Variants in PCDHGA7 observed in about 807,000 individuals in gnomAD.
PCDHGA7 encodes protocadherin gamma subfamily A, 7, also known as protocadherin gamma-A7.
In PCDHGA7, 44 loss-of-function variants were observed where a neutral mutation model predicts 58.3. That is an observed-to-expected ratio of 0.75 (90% CI 0.59 to 0.97). The LOEUF is 0.97. Ranked by LOEUF, PCDHGA7 falls within the 50% of genes least tolerant of loss-of-function variation. The pLI is 0.00. For missense variants in PCDHGA7, 1,266 were observed against 1,188.7 expected (o/e 1.06, Z -0.96); for synonymous variants, 516 against 504.2 (o/e 1.02, Z -0.31).
In PCDHGA7 at chr5:141,490,028, G is replaced by A. The variant is rs752883792; in HGVS notation, c.2425-4779G>A. ...GCACCCATTGGTACTCTGCTGCTCC[G>A]CCTCAATGCCACTGATCCAGACGAG... On this transcript the variant is annotated intron_variant, in intron 1 of 3. Coordinates refer to ENST00000518325, the MANE Select transcript of PCDHGA7 (RefSeq NM_018920.4). The surrounding 1 kb of genome is among the most constrained non-coding windows in gnomAD (Gnocchi z 5.4). 20 of 1,614,070 alleles carry A rather than the reference G, an allele frequency of 1.2e-5. 1 individual carries two copies. Among genetic ancestry groups the A allele is most frequent in the South Asian group, 3.3e-5 (3 of 91,090 alleles).
In PCDHGA7 at chr5:141,485,216, G is replaced by C. The variant is rs757059807; in HGVS notation, c.2425-9591G>C. On this transcript the variant is annotated intron_variant, in intron 1 of 3. Transcript: ENST00000518325. The surrounding 1 kb of genome is among the most constrained non-coding windows in gnomAD (Gnocchi z 5.7). ...AAGCTGGACAGAAATCTGGCGGTGG[G>C]CTACCCTTTTGTTCCTCTTTTACCA... 2.5e-6 allele frequency: 4 copies of C among 1,614,144 alleles called. No homozygotes were observed. In the South Asian group the frequency reaches 4.4e-5, roughly 18 times the overall value.
In PCDHGA7 at chr5:141,476,585, G is replaced by C; in HGVS notation, c.2425-18222G>C. 6.2e-7 allele frequency: 1 copy of C among 1,614,214 alleles called. No homozygotes were observed. The highest frequency in any genetic ancestry group is 8.5e-7 in the Non-Finnish European group (1 of 1,180,040). On this transcript the variant is annotated intron_variant, in intron 1 of 3. Coordinates refer to ENST00000518325, the MANE Select transcript of PCDHGA7 (RefSeq NM_018920.4). The surrounding 1 kb of genome is among the most constrained non-coding windows in gnomAD (Gnocchi z 7.6). ...GGCTCCGGGGACGCGCTTTCCGCTC[G>C]AGAGCGCGCACGATCCCGATGTGGG...
chr5:141,462,657 T>G (rs949098251), intron 1 of PCDHGA7, among the ~76,000 whole-genome samples: 1 of 152,164 alleles, frequency 6.6e-6, no homozygotes, highest in East Asian at 1.9e-4. Flanking sequence ...TCCTCAATTA[T>G]CTTCATATTT....
At chr5:141,473,189 A>G (rs1049891105) in intron 1 of PCDHGA7, among the ~76,000 whole-genome samples, 2 of 152,198 alleles carry the variant, frequency 1.3e-5, no homozygotes, top group Admixed American at 6.5e-5. Flanking sequence ...GAAGGAGTAA[A>G]TGTATCTTCT....
At chr5:141,463,526 A>G (rs989086820) in intron 1 of PCDHGA7, among the ~76,000 whole-genome samples, 1 of 131,914 alleles carries the variant, frequency 7.6e-6, no homozygotes, top group Non-Finnish European at 1.5e-5. Flanking sequence ...TCGGCTTACT[A>G]GAAACTCCGG....
chr5:141,501,132 G>T (rs371444727), intron 2 of PCDHGA7, among the ~76,000 whole-genome samples: 2 of 152,262 alleles, frequency 1.3e-5, no homozygotes, highest in East Asian at 3.9e-4. Flanking sequence ...CTCCCTAAGT[G>T]CTGGGATTAC....
intron 1 of PCDHGA7, among the ~76,000 whole-genome samples, chr5:141,449,561 C>T (rs777459619): frequency 2.7e-4 from 39 of 147,008 alleles, no homozygotes; most frequent in Non-Finnish European, 4.6e-4. Flanking sequence ...TGCACTCCAG[C>T]CTGGGCGACA....
chr5:141,428,338 T>G, intron 1 of PCDHGA7: 7 of 592,492 alleles, frequency 1.2e-5, no homozygotes, highest in East Asian at 3.1e-5. Flanking sequence ...TATGCTCTTC[T>G]TCCTCGCAGT....
chr5:141,392,962 A>G, intron 1 of PCDHGA7: 1 of 1,613,902 alleles, frequency 6.2e-7, no homozygotes, highest in Admixed American at 1.7e-5. Context: ...AATATCTCCA[A>G]GGACCTGGGG....
intron 1 of PCDHGA7, chr5:141,421,683 A>G (rs1238944281): frequency 1.2e-6 from 2 of 1,613,758 alleles, no homozygotes; most frequent in African/African-American, 1.3e-5. Flanking sequence ...CTGGGGCGCG[A>G]TTTGCTCTTC....
At chr5:141,510,272 TAA>T (rs546154379) in intron 3 of PCDHGA7, among the ~76,000 whole-genome samples, 46 of 130,286 alleles carry the variant, frequency 3.5e-4, no homozygotes, top group South Asian at 5.0e-4. Context: ...GACTCCATCT[TAA>T]AAAAAAAAAA....
intron 1 of PCDHGA7, among the ~76,000 whole-genome samples, chr5:141,459,968 C>T (rs1260233942): frequency 1.3e-5 from 2 of 152,190 alleles, no homozygotes; most frequent in East Asian, 3.8e-4. Context: ...ATCCCAGCTA[C>T]TCAGGAGGCT....
At chr5:141,410,803 C>A in intron 1 of PCDHGA7, 11 of 409,880 alleles carry the variant, frequency 2.7e-5, no homozygotes, top group East Asian at 1.2e-4. Context: ...GTTGCTCTAT[C>A]TTTTTGTAAA....
At chr5:141,415,818 A>C in intron 1 of PCDHGA7, 11 of 1,325,038 alleles carry the variant, frequency 8.3e-6, no homozygotes, top group Non-Finnish European at 8.7e-6. Flanking sequence ...CCTATATATC[A>C]TAAGGCTTTG....
In PCDHGA7 at chr5:141,491,419, G is replaced by A. The variant is rs1422517367; in HGVS notation, c.2425-3388G>A. On this transcript the variant is annotated intron_variant, in intron 1 of 3. Coordinates refer to ENST00000518325, the MANE Select transcript of PCDHGA7 (RefSeq NM_018920.4). This position sits in a 1 kb window ranked among gnomAD's most constrained non-coding sequence, Gnocchi z 6.9. ...GGGAAACGCAGACGGGGACGGGGGT[G>A]GAGGGCAGTGCTGCAGGCGCCAGGA... 1 of 1,614,124 alleles carries A rather than the reference G, an allele frequency of 6.2e-7. No individual in the cohort carries two copies.
At chr5:141,447,773 T>C (rs2098551408) in intron 1 of PCDHGA7, among the ~76,000 whole-genome samples, 1 of 152,202 alleles carries the variant, frequency 6.6e-6, no homozygotes, top group African/African-American at 2.4e-5. Context: ...AATTATACTT[T>C]AATTGAAAAT....
At chr5:141,427,280 A>G (rs1351534612) in intron 1 of PCDHGA7, 3 of 456,834 alleles carry the variant, frequency 6.6e-6, no homozygotes, top group Non-Finnish European at 8.8e-6. Context: ...GTAAAATTAT[A>G]CTAGAAATCC....
chr5:141,475,870 C>CAGTT, intron 1 of PCDHGA7: 1 of 511,190 alleles, frequency 2.0e-6, no homozygotes, highest in East Asian at 3.3e-5. Context: ...ATTCTTCGTG[C>CAGTT]AGTTATTGGC....
intron 1 of PCDHGA7, chr5:141,478,676 G>A (rs540780497): frequency 6.4e-7 from 1 of 1,551,522 alleles, no homozygotes; most frequent in African/African-American, 1.4e-5. Flanking sequence ...CTTTCAACTG[G>A]CCCTTCCTAG....
Sources: allele counts gnomAD v4.1 joint callset (sites outside exome capture counted in the v4.1 genomes callset), GRCh38; gene constraint gnomAD v4.1.1; non-coding constraint Gnocchi (gnomAD v3.1); transcripts MANE v1.5; gene names NCBI Gene and HGNC (gene_info 2026-07-23, HGNC 2026-07-21).